The following MRTFB variants were observed in gnomAD, a reference collection of about 807,000 sequenced individuals.
MRTFB encodes the protein myocardin-related transcription factor B.
Under a neutral mutation model 104.2 loss-of-function variants are expected in MRTFB, and 29 were observed. The ratio of observed to expected loss-of-function variants is 0.28; its 90% CI spans 0.21 to 0.38. The LOEUF (loss-of-function observed/expected upper bound fraction) is 0.38, where lower values mean the gene tolerates loss of function less well. Ranked by LOEUF, MRTFB falls within the 10% of genes least tolerant of loss-of-function variation. The pLI is 1.00. For missense variants in MRTFB, 1,270 were observed against 1,341.6 expected, an observed-to-expected ratio of 0.95 and a Z score of 0.83; for synonymous variants, 535 against 519.5, an observed-to-expected ratio of 1.03 and a Z score of -0.41.
chr16:14,003,764 C>G, the MRTFB span, among the ~76,000 whole-genome samples: 2 of 151,820 alleles, frequency 1.3e-5, no homozygotes, highest in East Asian at 3.9e-4. Context: ...GGGGGAAACT[C>G]AAAAGTATGC....
chr16:14,059,920 C>T, the MRTFB span, among the ~76,000 whole-genome samples: 3 of 151,036 alleles, frequency 2.0e-5, no homozygotes, highest in African/African-American at 2.4e-5. Flanking sequence ...GCCATGTGCT[C>T]GCTGTATGAT....
At chr16:14,115,628 G>T (rs1222731918) in intron 2 of MRTFB, among the ~76,000 whole-genome samples, 1 of 152,092 alleles carries the variant, frequency 6.6e-6, no homozygotes, top group Non-Finnish European at 1.5e-5. Flanking sequence ...GTTTGAGGCA[G>T]TACCCCATAA....
rs572501906 is a variant in MRTFB at position 14,112,178 on chromosome 16, T to A, written c.-63-28366T>A. Among the ~76,000 whole-genome samples the A allele has an allele frequency of 4.1e-4, 62 of 152,172 alleles. 1 individual carries two copies. Among genetic ancestry groups the A allele is most frequent in the African/African-American group, 1.4e-3 (60 of 41,502 alleles). On this transcript the variant is annotated intron_variant, in intron 2 of 16. Coordinates refer to ENST00000571589, the MANE Select transcript of MRTFB (RefSeq NM_001308142.2). ...GAAGCAGAAAGAGTAAGAGCCCATA[T>A]CAAGGGAGGTAGGAAAGGAAAAAGG... is the stretch of plus-strand genomic sequence containing the variant.
At chr16:14,200,436 G>A (rs919428850) in intron 3 of MRTFB, 2 of 1,609,442 alleles carry the variant, frequency 1.2e-6, no homozygotes, top group African/African-American at 2.7e-5. Flanking sequence ...AATAGACCAA[G>A]AAAAGTCAAA....
At chr16:14,014,186 GAAGT>G in the MRTFB span, among the ~76,000 whole-genome samples, 6 of 152,284 alleles carry the variant, frequency 3.9e-5, no homozygotes, top group East Asian at 1.2e-3. Flanking sequence ...CGTGGAGAAT[GAAGT>G]AAGAGTGAAG....
rs1035161172 is a variant in MRTFB at position 14,084,680 on chromosome 16, T to A, written c.-64+5326T>A. 3.3e-5 allele frequency among the ~76,000 whole-genome samples: 5 copies of A among 152,384 alleles called. No homozygotes were observed. The East Asian group carries it at 9.6e-4, about 29-fold the overall frequency. ...TGATATTATTGAGTTATGTGGATTATGTGACTGTGCATTCATATGTAAACC... is the reference window on the plus strand; with the variant it reads ...TGATATTATTGAGTTATGTGGATTAAGTGACTGTGCATTCATATGTAAACC... On this transcript the variant is annotated intron_variant, in intron 2 of 16. Transcript: ENST00000571589.
intron 8 of MRTFB, among the ~76,000 whole-genome samples, chr16:14,226,844 T>C (rs1435841223): frequency 1.3e-5 from 2 of 152,006 alleles, no homozygotes; most frequent in Non-Finnish European, 2.9e-5. Context: ...TAGCTGGGCA[T>C]GGTGGCGTGC....
intron 3 of MRTFB, among the ~76,000 whole-genome samples, chr16:14,168,438 T>C (rs1182438689): frequency 6.6e-6 from 1 of 152,226 alleles, no homozygotes; most frequent in Non-Finnish European, 1.5e-5. Flanking sequence ...GTTGTGGTTT[T>C]GTTCACCATT....
the MRTFB span, chr16:14,015,735 A>G: frequency 2.5e-6 from 1 of 392,938 alleles, no homozygotes; most frequent in Non-Finnish European, 4.5e-6. Context: ...TTAATAATGC[A>G]GCAACTTAAT....
At chr16:14,012,159 A>G in the MRTFB span, among the ~76,000 whole-genome samples, 1 of 151,782 alleles carries the variant, frequency 6.6e-6, no homozygotes, top group Non-Finnish European at 1.5e-5. Flanking sequence ...GGCAGCGAGA[A>G]CGTACTGTTT....
intron 2 of MRTFB, among the ~76,000 whole-genome samples, chr16:14,087,866 G>T (rs2034818176): frequency 6.6e-6 from 1 of 152,098 alleles, no homozygotes; most frequent in African/African-American, 2.4e-5. Context: ...TTATGGAAAG[G>T]TTGCCAATTA....
intron 2 of MRTFB, among the ~76,000 whole-genome samples, chr16:14,112,168 A>G (rs2036304590): frequency 6.6e-6 from 1 of 152,218 alleles, no homozygotes; most frequent in South Asian, 2.1e-4. Context: ...AGAAAGAGTA[A>G]GAGCCCATAT....
intron 6 of MRTFB, among the ~76,000 whole-genome samples, chr16:14,216,639 G>T (rs1276907760): frequency 1.3e-5 from 2 of 151,804 alleles, no homozygotes; most frequent in African/African-American, 4.8e-5. Context: ...AGACACAGGG[G>T]ATCAATTCAA....
the MRTFB span, among the ~76,000 whole-genome samples, chr16:14,017,593 GTATATATA>G: frequency 0.011 from 623 of 58,898 alleles, 3 homozygotes; most frequent in East Asian, 0.023. Context: ...ACTGACTACA[GTATATATA>G]TATATATATA....
chr16:14,238,403 G>A (rs1174017731), intron 9 of MRTFB, among the ~76,000 whole-genome samples: 1 of 152,196 alleles, frequency 6.6e-6, no homozygotes, highest in Admixed American at 6.5e-5. Context: ...TGTAAAGGTT[G>A]TAACAGAAAA....
At chr16:14,077,888 T>C (rs971550264) in intron 1 of MRTFB, among the ~76,000 whole-genome samples, 3 of 152,128 alleles carry the variant, frequency 2.0e-5, no homozygotes, top group African/African-American at 7.2e-5. Context: ...GACATTAGAA[T>C]CCAAGTTAAA....
At chr16:14,058,035 G>A in the MRTFB span, among the ~76,000 whole-genome samples, 1 of 152,180 alleles carries the variant, frequency 6.6e-6, no homozygotes, top group Non-Finnish European at 1.5e-5. Flanking sequence ...GCAGGGAGAT[G>A]TCAAGTCAGT....
intron 2 of MRTFB, among the ~76,000 whole-genome samples, chr16:14,117,918 AAT>A (rs2036625608): frequency 6.6e-6 from 1 of 152,218 alleles, no homozygotes; most frequent in African/African-American, 2.4e-5. Flanking sequence ...TTTCTTTAAA[AAT>A]ATGTTACTTC....
At chr16:14,112,434 G>A (rs1329565238) in intron 2 of MRTFB, among the ~76,000 whole-genome samples, 1 of 152,222 alleles carries the variant, frequency 6.6e-6, no homozygotes, top group African/African-American at 2.4e-5. Flanking sequence ...GGCAGGAAGA[G>A]TGGTTTGGAA....
Sources: allele counts gnomAD v4.1 joint callset (sites outside exome capture counted in the v4.1 genomes callset), GRCh38; gene constraint gnomAD v4.1.1; transcripts MANE v1.5; gene names NCBI Gene and HGNC (gene_info 2026-07-23, HGNC 2026-07-21).